EFCAB3: variants seen among roughly 807,000 people sequenced by gnomAD.
EFCAB3 encodes EF-hand calcium binding domain 3.
A neutral mutation model predicts 42.2 loss-of-function variants in EFCAB3; 36 were observed. The ratio of observed to expected loss-of-function variants is 0.85; its 90% CI spans 0.65 to 1.13. The LOEUF is 1.13. Ranked by LOEUF, EFCAB3 falls within the 50% of genes most tolerant of loss-of-function variation. EFCAB3 has a pLI of 0.00. For synonymous variants in EFCAB3, 170 were observed against 172.8 expected, an observed-to-expected ratio of 0.98 and a Z score of 0.13; for missense variants, 418 against 505.1, an observed-to-expected ratio of 0.83 and a Z score of 1.65.
At position 62,383,713 on chromosome 17, in the gene EFCAB3, G is replaced by A. The variant is rs138764885; in HGVS notation, c.74+660G>A. ...GTTAGGATACAAAATACCCTAGGGG[G>A]CTCAAGAAGTTATCAGTTATACCTT... On this transcript the variant is annotated intron_variant, in intron 2 of 9. Coordinates refer to ENST00000305286, the MANE Select transcript of EFCAB3 (RefSeq NM_173503.4). Among the ~76,000 whole-genome samples the A allele has an allele frequency of 1.3e-3, 200 of 152,276 alleles. 1 individual carries two copies. The highest frequency in any genetic ancestry group is 3.4e-3 in the Middle Eastern group (1 of 294).
chr17:62,401,486 C>T (rs978023872), intron 6 of EFCAB3, among the ~76,000 whole-genome samples: 2 of 152,110 alleles, frequency 1.3e-5, no homozygotes, highest in African/African-American at 4.8e-5. Context: ...GGAAGGGATC[C>T]AGTTTCAGCT....
chr17:62,409,527 T>C (rs894981650), intron 8 of EFCAB3, among the ~76,000 whole-genome samples: 26 of 152,050 alleles, frequency 1.7e-4, no homozygotes, highest in Admixed American at 2.0e-4. Flanking sequence ...CCGGGCAACA[T>C]AGTGAGGCTC....
intron 2 of EFCAB3, 121 bp from the exon 3 acceptor site, chr17:62,387,219 T>C (rs781484170): frequency 2.6e-5 from 17 of 647,414 alleles, no homozygotes; most frequent in African/African-American, 7.4e-5. Context: ...TCCCTTAGGA[T>C]AGTAGACTGG....
At chr17:62,407,705 C>G (rs575579981) in intron 8 of EFCAB3, among the ~76,000 whole-genome samples, 2 of 152,086 alleles carry the variant, frequency 1.3e-5, no homozygotes, top group Non-Finnish European at 1.5e-5. Context: ...GTCTTTTTGC[C>G]CCCCCTCCCA....
At chr17:62,372,961 A>T (rs191085365) in intron 1 of EFCAB3, among the ~76,000 whole-genome samples, 48 of 152,298 alleles carry the variant, frequency 3.2e-4, no homozygotes, top group African/African-American at 1.1e-3. Flanking sequence ...TTCCTAAAGC[A>T]CAGAAAAGAT....
At chr17:62,400,912 A>G (rs1482905841) in intron 6 of EFCAB3, among the ~76,000 whole-genome samples, 1 of 152,112 alleles carries the variant, frequency 6.6e-6, no homozygotes, top group African/African-American at 2.4e-5. Context: ...CATCCTCTCC[A>G]GCACCTGTTG....
intron 8 of EFCAB3, 96 bp from the exon 9 acceptor site, chr17:62,413,636 C>T: frequency 1.9e-6 from 2 of 1,064,178 alleles, no homozygotes; most frequent in South Asian, 2.3e-5. Flanking sequence ...ATATACAAAT[C>T]CTTCTATAAT....
intron 3 of EFCAB3, among the ~76,000 whole-genome samples, chr17:62,388,749 T>TA (rs899038604): frequency 6.6e-6 from 1 of 152,224 alleles, no homozygotes; most frequent in African/African-American, 2.4e-5. Flanking sequence ...GTTCATTCTA[T>TA]AATCAATCAA....
chr17:62,410,711 C>A (rs981823721), intron 8 of EFCAB3, among the ~76,000 whole-genome samples: 1 of 151,788 alleles, frequency 6.6e-6, no homozygotes, highest in Non-Finnish European at 1.5e-5. Flanking sequence ...AGAGAGAGAG[C>A]ACCTAAAGCC....
intron 6 of EFCAB3, among the ~76,000 whole-genome samples, chr17:62,402,069 C>T (rs1382087243): frequency 6.6e-6 from 1 of 152,142 alleles, no homozygotes; most frequent in Non-Finnish European, 1.5e-5. Context: ...TGGGAGTACA[C>T]TCATGATTTG....
chr17:62,382,858 G>A (rs760047720), intron 1 of EFCAB3, 105 bp from the exon 2 acceptor site: 3 of 860,906 alleles, frequency 3.5e-6, no homozygotes, highest in Non-Finnish European at 5.3e-6. Context: ...CATTTCTTGA[G>A]GCCCTAGACT....
At chr17:62,375,882 A>G (rs73329482), upstream of EFCAB3, among the ~76,000 whole-genome samples, 1 of 151,860 alleles carries the variant, frequency 6.6e-6, no homozygotes, top group Non-Finnish European at 1.5e-5. Context: ...ATCTCTAAAA[A>G]TATATTTTTT....
intron 2 of EFCAB3, among the ~76,000 whole-genome samples, chr17:62,374,783 ATTTG>A (rs2070138015): frequency 6.6e-6 from 1 of 152,134 alleles, no homozygotes; most frequent in African/African-American, 2.4e-5. Context: ...CAAAAAAGAA[ATTTG>A]CTGTGTCTCT....
At chr17:62,406,434 C>A in intron 6 of EFCAB3, 46 bp from the exon 7 acceptor site, 1 of 1,480,372 alleles carries the variant, frequency 6.8e-7, no homozygotes, top group Non-Finnish European at 9.0e-7. Flanking sequence ...AAATTTTTGT[C>A]CTATGTCTCT....
At chr17:62,371,208 C>T (rs1049562506) in intron 1 of EFCAB3, among the ~76,000 whole-genome samples, 3 of 152,016 alleles carry the variant, frequency 2.0e-5, no homozygotes, top group African/African-American at 7.2e-5. Flanking sequence ...GCATGAGCCA[C>T]CTTTTGCCTA....
chr17:62,371,160 T>C (rs1972605), intron 1 of EFCAB3, among the ~76,000 whole-genome samples: 129,314 of 151,782 alleles, frequency 0.85, 55,400 homozygotes, highest in Admixed American at 0.9. Context: ...AGATTCTGCC[T>C]TCCTAACAAG....
chr17:62,396,474 A>G (rs555814660), intron 6 of EFCAB3, among the ~76,000 whole-genome samples: 6 of 152,042 alleles, frequency 3.9e-5, no homozygotes, highest in African/African-American at 1.4e-4. Context: ...AATAGCTTGA[A>G]CCTGGGATGC....
Position 62,382,952 on chromosome 17 carries a change from C to T in EFCAB3, c.-17-11C>T. The T allele has an allele frequency of 1.2e-6, 2 of 1,604,194 alleles. No homozygotes were observed. Among genetic ancestry groups the T allele is most frequent in the Non-Finnish European group, 1.7e-6 (2 of 1,176,222 alleles). On this transcript the variant is annotated splice_polypyrimidine_tract_variant and intron_variant, in intron 1 of 9. Transcript: ENST00000305286. ...TAAACTGATTTCTTAATTGTATATT[C>T]TGAATTCCAGACAGAGTCACTGGCC...
intron 1 of EFCAB3, 141 bp from the exon 2 acceptor site, chr17:62,382,822 C>T: frequency 1.6e-6 from 1 of 644,916 alleles, no homozygotes. Flanking sequence ...TTATGCATAC[C>T]TCTAACTTGA....
Sources: gnomAD v4.1 joint callset for allele counts (sites outside exome capture counted in the v4.1 genomes callset) on GRCh38, gnomAD v4.1.1 for gene constraint, MANE v1.5 for transcripts, NCBI Gene and HGNC (gene_info 2026-07-23, HGNC 2026-07-21) for gene names.